Variants in SYT16 observed in about 807,000 individuals in gnomAD.
SYT16 encodes the protein synaptotagmin 16.
In SYT16, 42 loss-of-function variants were observed where a neutral mutation model predicts 61.4. The observed-to-expected ratio is 0.68, with a 90% CI of 0.53 to 0.89. The LOEUF (loss-of-function observed/expected upper bound fraction) is 0.89, where lower values mean the gene tolerates loss of function less well. Ranked by LOEUF, SYT16 falls within the 40% of genes least tolerant of loss-of-function variation. The pLI is 0.00. For missense variants in SYT16, 804 were observed against 807.3 expected, an observed-to-expected ratio of 1.00 and a Z score of 0.05; for synonymous variants, 314 against 302.3, an observed-to-expected ratio of 1.04 and a Z score of -0.40.
intron 3 of SYT16, among the ~76,000 whole-genome samples, chr14:62,021,237 T>C (rs955977412): frequency 3.9e-5 from 6 of 152,158 alleles, no homozygotes; most frequent in Non-Finnish European, 5.9e-5. Flanking sequence ...TTTTATTGCA[T>C]TTTCTAAGGC....
chr14:61,977,448 T>C (rs2225792), intron 2 of SYT16, among the ~76,000 whole-genome samples: 4 of 151,914 alleles, frequency 2.6e-5, no homozygotes, highest in African/African-American at 7.3e-5. Context: ...CAGAAGGAGA[T>C]GGGGAGGCAG....
At chr14:61,815,509 A>G (rs2045399937) in intron 1 of SYT16, among the ~76,000 whole-genome samples, 1 of 152,262 alleles carries the variant, frequency 6.6e-6, no homozygotes, top group Admixed American at 6.5e-5. Context: ...AAGACCTTCT[A>G]TATGAATGTA....
intron 1 of SYT16, among the ~76,000 whole-genome samples, chr14:61,926,951 A>G (rs536419778): frequency 9.0e-4 from 137 of 152,318 alleles, no homozygotes; most frequent in South Asian, 4.6e-3. Flanking sequence ...TTTTTTACTT[A>G]GGTGAAATAG....
intron 1 of SYT16, among the ~76,000 whole-genome samples, chr14:61,968,809 C>G (rs578061049): frequency 2.6e-5 from 4 of 152,340 alleles, no homozygotes; most frequent in African/African-American, 9.6e-5. Flanking sequence ...TTGCCTATAA[C>G]TACTGCTACC....
chr14:62,070,274 T>C (rs2056248921), intron 4 of SYT16, among the ~76,000 whole-genome samples: 1 of 152,202 alleles, frequency 6.6e-6, no homozygotes, highest in African/African-American at 2.4e-5. Flanking sequence ...CTAATTAGTT[T>C]GCATTACGAA....
chr14:61,994,380 C>T (rs1266961577), intron 2 of SYT16, among the ~76,000 whole-genome samples: 1 of 152,168 alleles, frequency 6.6e-6, no homozygotes, highest in East Asian at 1.9e-4. Flanking sequence ...AGGCCCTTTT[C>T]CTTCAACCAG....
intron 1 of SYT16, chr14:61,832,386 C>T (rs2045966825): frequency 3.7e-6 from 2 of 544,092 alleles, no homozygotes; most frequent in Non-Finnish European, 7.4e-6. Flanking sequence ...GCAGCTGCCC[C>T]ACCACCGCCG....
At chr14:61,838,597 T>A (rs1170712821) in intron 1 of SYT16, among the ~76,000 whole-genome samples, 1 of 152,222 alleles carries the variant, frequency 6.6e-6, no homozygotes, top group Non-Finnish European at 1.5e-5. Flanking sequence ...CTGGAGAATA[T>A]TCCTGTCCTT....
At chr14:61,948,716 G>C (rs1384507725) in intron 1 of SYT16, among the ~76,000 whole-genome samples, 3 of 152,190 alleles carry the variant, frequency 2.0e-5, no homozygotes, top group Non-Finnish European at 4.4e-5. Flanking sequence ...CAGAAAATAT[G>C]TGAAGGAATC....
At chr14:62,060,501 G>A (rs2055778021) in intron 3 of SYT16, among the ~76,000 whole-genome samples, 1 of 129,092 alleles carries the variant, frequency 7.7e-6, no homozygotes, top group Non-Finnish European at 1.6e-5. Flanking sequence ...AATATCCATA[G>A]GATGGTGAAA....
intron 2 of SYT16, among the ~76,000 whole-genome samples, chr14:61,977,475 G>A (rs901671861): frequency 3.9e-5 from 6 of 152,108 alleles, no homozygotes; most frequent in African/African-American, 1.4e-4. Context: ...TCTTTACAAG[G>A]CAGCAGGAAG....
chr14:61,832,056 C>T, intron 1 of SYT16: 10 of 713,672 alleles, frequency 1.4e-5, no homozygotes, highest in South Asian at 1.3e-4. Flanking sequence ...CATGGCAGCG[C>T]CCACAACCGT....
At chr14:61,967,992 G>A (rs2051385086) in intron 1 of SYT16, among the ~76,000 whole-genome samples, 1 of 152,080 alleles carries the variant, frequency 6.6e-6, no homozygotes, top group South Asian at 2.1e-4. Context: ...TGGGTGCGGT[G>A]GCTCATGCCT....
intron 1 of SYT16, among the ~76,000 whole-genome samples, chr14:61,945,964 A>G (rs1310223176): frequency 6.6e-6 from 1 of 152,148 alleles, no homozygotes; most frequent in East Asian, 1.9e-4. Context: ...CATGAAGAGA[A>G]AATCAAACAC....
At chr14:62,001,034 C>T (rs2052993018) in intron 3 of SYT16, among the ~76,000 whole-genome samples, 1 of 151,930 alleles carries the variant, frequency 6.6e-6, no homozygotes, top group Non-Finnish European at 1.5e-5. Flanking sequence ...TGCACTCCAG[C>T]CTAGGTGACA....
intron 7 of SYT16, among the ~76,000 whole-genome samples, chr14:62,096,655 C>T (rs2057284695): frequency 6.6e-6 from 1 of 151,994 alleles, no homozygotes; most frequent in South Asian, 2.1e-4. Flanking sequence ...TTGGACACCT[C>T]TATTTACATA....
At chr14:62,092,584 G>A (rs1436448220) in intron 7 of SYT16, among the ~76,000 whole-genome samples, 2 of 151,622 alleles carry the variant, frequency 1.3e-5, no homozygotes, top group Non-Finnish European at 2.9e-5. Context: ...CTGCAGTATG[G>A]ATGAACCTTG....
At chr14:61,903,444 T>C (rs142989862) in intron 1 of SYT16, among the ~76,000 whole-genome samples, 112 of 152,344 alleles carry the variant, frequency 7.4e-4, no homozygotes, top group Non-Finnish European at 1.2e-3. Flanking sequence ...CTGTCTCCCT[T>C]CGTGAGATAG....
chr14:62,069,623 G>A lies in SYT16; in HGVS notation c.544G>A (p.Glu182Lys), dbSNP rs959650372. ...CCCAGTCAACAGCTTTGGGGATGAC[G>A]AAGAGCTGTCCACATCTTCTGACAG... ...KKQVNSFGDD[E>K]ELSTSSDSDE... is the part of the protein sequence containing the mutation. Residue 182 changes from glutamate to lysine, a missense_variant, in exon 4 of 8, where the codon GAA becomes AAA. Coordinates refer to ENST00000683842, the MANE Select transcript of SYT16 (RefSeq NM_001367656.1). The A allele has an allele frequency of 2.7e-5, 43 of 1,613,760 alleles. No individual in the cohort carries two copies. Among genetic ancestry groups the A allele is most frequent in the Non-Finnish European group, 3.5e-5 (41 of 1,179,876 alleles).
Sources: gnomAD v4.1 joint callset for allele counts (sites outside exome capture counted in the v4.1 genomes callset) on GRCh38, gnomAD v4.1.1 for gene constraint, MANE v1.5 for transcripts, NCBI Gene and HGNC (gene_info 2026-07-23, HGNC 2026-07-21) for gene names.